Variants in MTAP observed in about 807,000 individuals in gnomAD.
MTAP encodes the protein S-methyl-5'-thioadenosine phosphorylase.
A neutral mutation model predicts 33.6 loss-of-function variants in MTAP; 33 were observed. The observed-to-expected ratio is 0.98, with a 90% CI of 0.74 to 1.31. MTAP has a LOEUF of 1.31. Ranked by LOEUF, MTAP falls within the 40% of genes most tolerant of loss-of-function variation. The probability of loss-of-function intolerance (pLI) is 0.00; values close to 1 mark genes in which losing one functional copy is unlikely to be tolerated. For synonymous variants in MTAP, 148 were observed against 125.7 expected, an observed-to-expected ratio of 1.18 and a Z score of -1.19; for missense variants, 367 against 360.0, an observed-to-expected ratio of 1.02 and a Z score of -0.16.
At position 21,874,752 on chromosome 9, in the gene MTAP, G is replaced by C. The variant is rs113586667; in HGVS notation, c.147+19882G>C. 1.1e-3 allele frequency among the ~76,000 whole-genome samples: 170 copies of C among 150,172 alleles called. 3 individuals carry two copies. The highest frequency in any genetic ancestry group is 4.0e-3 in the African/African-American group (165 of 40,746). ...TGGGATACATGTGCAGAACATGCAG[G>C]TTTGTTACGGAGGTATACATGTGCC... On this transcript the variant is annotated intron_variant, in intron 1 of 1. Transcript: ENST00000577563.
chr9:21,904,588 C>A (rs1227055302), intron 1 of MTAP, among the ~76,000 whole-genome samples: 2 of 152,162 alleles, frequency 1.3e-5, no homozygotes, highest in Non-Finnish European at 2.9e-5. Flanking sequence ...CATTGTTGAA[C>A]AGCATGAACA....
chr9:21,913,960 A>T (rs1818629927), intron 1 of MTAP, among the ~76,000 whole-genome samples: 1 of 152,238 alleles, frequency 6.6e-6, no homozygotes, highest in Non-Finnish European at 1.5e-5. Context: ...CCCATCAAAA[A>T]GTGGGCAAAG....
At position 21,815,508 on chromosome 9, in the gene MTAP, C is replaced by G. The variant is rs373606947; in HGVS notation, c.109C>G (p.Pro37Ala). ...EGRTEKYVDT[P>A]FGKPSDALIL... Reference sequence around the variant, plus strand: ...AAGAACTGAAAAATATGTGGATACTCCATTTGGCAAGGTTAATATCCAACT... The same window carrying G: ...AAGAACTGAAAAATATGTGGATACTGCATTTGGCAAGGTTAATATCCAACT... The change falls in exon 2 of 8, where the codon CCA (proline) becomes GCA (alanine). Residue 37 changes from proline (P) to alanine (A), a missense_variant. Physicochemically the swap from Pro to Ala is conservative, Grantham distance 27. Transcript: ENST00000644715. 7.4e-5 allele frequency: 119 copies of G among 1,607,930 alleles called. No homozygotes were observed. The highest frequency in any genetic ancestry group is 9.7e-5 in the Non-Finnish European group (114 of 1,175,916).
At chr9:21,928,860 AT>A (rs1199490271) in intron 1 of MTAP, among the ~76,000 whole-genome samples, 1 of 151,554 alleles carries the variant, frequency 6.6e-6, no homozygotes, top group Non-Finnish European at 1.5e-5. Flanking sequence ...ATTGTAGGCC[AT>A]TTCTATATTC....
chr9:21,850,090 G>T (rs1215826400), intron 5 of MTAP, among the ~76,000 whole-genome samples: 3 of 152,188 alleles, frequency 2.0e-5, no homozygotes, highest in African/African-American at 4.8e-5. Flanking sequence ...TATCACAATG[G>T]TCCATTACAT....
chr9:21,857,856 A>G (rs562780236), intron 6 of MTAP, among the ~76,000 whole-genome samples: 1 of 152,266 alleles, frequency 6.6e-6, no homozygotes, highest in East Asian at 1.9e-4. Context: ...GAACCAGATC[A>G]TTTGTCCTGT....
chr9:21,856,321 A>G (rs1012902969), intron 6 of MTAP: 4 of 281,586 alleles, frequency 1.4e-5, no homozygotes, highest in Non-Finnish European at 2.1e-5. Context: ...ATAGATGAAC[A>G]CAGGTTCTTT....
chr9:21,812,759 C>T (rs955990053), intron 1 of MTAP, among the ~76,000 whole-genome samples: 1 of 152,152 alleles, frequency 6.6e-6, no homozygotes, highest in Admixed American at 6.5e-5. Context: ...AACATGGAGA[C>T]AAATAACTTT....
intron 2 of MTAP, among the ~76,000 whole-genome samples, chr9:21,816,301 G>A (rs562661367): frequency 2.6e-5 from 4 of 152,220 alleles, no homozygotes; most frequent in Non-Finnish European, 4.4e-5. Context: ...CTTAGACCTG[G>A]TTAACACAAG....
chr9:21,831,616 C>T (rs754518397), intron 4 of MTAP, among the ~76,000 whole-genome samples: 2 of 152,156 alleles, frequency 1.3e-5, no homozygotes, highest in Non-Finnish European at 2.9e-5. Context: ...GCATGAGCCA[C>T]TGCACCCAGC....
intron 1 of MTAP, among the ~76,000 whole-genome samples, chr9:21,905,049 C>T (rs778327213): frequency 6.6e-6 from 1 of 152,136 alleles, no homozygotes; most frequent in African/African-American, 2.4e-5. Flanking sequence ...CCCCAGTGGG[C>T]GTGTGTTACA....
At chr9:21,918,074 G>C (rs1818720208) in intron 1 of MTAP, among the ~76,000 whole-genome samples, 2 of 114,432 alleles carry the variant, frequency 1.7e-5, no homozygotes, top group Non-Finnish European at 3.2e-5. Flanking sequence ...TTAATGGGCC[G>C]GGCGCGGTGG....
At position 21,865,479 on chromosome 9, in the gene MTAP, C is replaced by A. The variant is rs987261166; in HGVS notation, c.*3465C>A. The A allele has an allele frequency of 2.0e-6, 2 of 985,386 alleles. No homozygotes were observed. Among genetic ancestry groups the A allele is most frequent in the South Asian group, 4.7e-5 (1 of 21,298 alleles). The allele number at this position is 985,386 out of a possible 1,614,324, so 61.0% of individuals were successfully genotyped here. A position where few individuals can be genotyped will look rare whatever the true frequency, so the allele number is the denominator to read the frequency against. The stretch of plus-strand genomic sequence containing the variant: ...TTTTGAAGATTGTTGCACCTTGGAA[C>A]TACCAGTGTGCACACAATCTGGCTC... On this transcript the variant is annotated 3_prime_UTR_variant, in exon 8 of 8. Transcript: ENST00000644715.
chr9:21,870,075 A>G (rs894685679), downstream of MTAP, among the ~76,000 whole-genome samples: 2 of 151,834 alleles, frequency 1.3e-5, no homozygotes, highest in African/African-American at 4.8e-5. Flanking sequence ...TACCTGGAAC[A>G]CTCTCCCAGC....
intron 5 of MTAP, among the ~76,000 whole-genome samples, chr9:21,843,783 A>C (rs1219927281): frequency 6.6e-6 from 1 of 152,190 alleles, no homozygotes; most frequent in African/African-American, 2.4e-5. Context: ...TTAAATTCCT[A>C]CATCAAAAAG....
At chr9:21,849,188 G>A (rs1400917864) in intron 5 of MTAP, among the ~76,000 whole-genome samples, 1 of 152,148 alleles carries the variant, frequency 6.6e-6, no homozygotes, top group Non-Finnish European at 1.5e-5. Context: ...CGTTGAGGAA[G>A]GACCCCACTA....
chr9:21,802,871 GCCCGGCCCGTGCGT>G, intron 1 of MTAP, 90 bp downstream of exon 1: 1 of 1,547,912 alleles, frequency 6.5e-7, no homozygotes, highest in South Asian at 1.2e-5. Context: ...GGGGCCATGC[GCCCGGCCCGTGCGT>G]CCCTTGCCGC....
chr9:21,914,484 A>T (rs1818641070), intron 1 of MTAP, among the ~76,000 whole-genome samples: 1 of 152,096 alleles, frequency 6.6e-6, no homozygotes, highest in Non-Finnish European at 1.5e-5. Flanking sequence ...CTTTGTAGGG[A>T]CATGGATGAA....
intron 2 of MTAP, 97 bp from the exon 3 acceptor site, chr9:21,816,617 C>T: frequency 2.0e-6 from 2 of 1,016,260 alleles, no homozygotes; most frequent in Non-Finnish European, 2.9e-6. Flanking sequence ...TCCTCAGACT[C>T]TTCAGATTCC....
Sources: allele counts gnomAD v4.1 joint callset (sites outside exome capture counted in the v4.1 genomes callset), GRCh38; gene constraint gnomAD v4.1.1; transcripts MANE v1.5; gene names NCBI Gene and HGNC (gene_info 2026-07-23, HGNC 2026-07-21).